PDE3A: variants seen among roughly 807,000 people sequenced by gnomAD.
PDE3A encodes phosphodiesterase 3A, also known as cGMP-inhibited 3',5'-cyclic phosphodiesterase 3A.
In PDE3A, 43 loss-of-function variants were observed where a neutral mutation model predicts 98.3. The ratio of observed to expected loss-of-function variants is 0.44; its 90% CI spans 0.34 to 0.56. PDE3A has a LOEUF of 0.56. PDE3A is among the 20% of genes least tolerant of loss of function. The probability of loss-of-function intolerance (pLI) is 0.01; values close to 1 mark genes in which losing one functional copy is unlikely to be tolerated. For missense variants in PDE3A, 1,427 were observed against 1,440.7 expected (o/e 0.99, Z 0.15); for synonymous variants, 663 against 567.9 (o/e 1.17, Z -2.38).
At chr12:20,492,647 T>C (rs1311144671) in intron 1 of PDE3A, among the ~76,000 whole-genome samples, 2 of 152,112 alleles carry the variant, frequency 1.3e-5, no homozygotes, top group Non-Finnish European at 2.9e-5. Context: ...ACAGGAGCTG[T>C]GGCTATGGGT....
chr12:20,546,917 A>C (rs1473131594), intron 1 of PDE3A, among the ~76,000 whole-genome samples: 3 of 152,122 alleles, frequency 2.0e-5, no homozygotes, highest in Admixed American at 6.6e-5. Context: ...GAATTAATGA[A>C]GCTAATAATT....
intron 1 of PDE3A, among the ~76,000 whole-genome samples, chr12:20,439,339 A>C (rs770913316): frequency 1.2e-4 from 19 of 152,302 alleles, no homozygotes; most frequent in Non-Finnish European, 2.2e-4. Flanking sequence ...ATTCAGTATG[A>C]ATTTTGTCTG....
chr12:20,413,642 C>T (rs1400612762), intron 1 of PDE3A, among the ~76,000 whole-genome samples: 1 of 152,102 alleles, frequency 6.6e-6, no homozygotes, highest in East Asian at 1.9e-4. Flanking sequence ...TGAGATGAGA[C>T]AGGTGGGGGC....
intron 15 of PDE3A, among the ~76,000 whole-genome samples, chr12:20,659,117 CAGTT>C (rs1335159839): frequency 6.6e-6 from 1 of 152,034 alleles, no homozygotes; most frequent in Admixed American, 6.6e-5. Flanking sequence ...AAGTATTTGC[CAGTT>C]AGTTTGAGTC....
At chr12:20,564,094 T>A (rs377027317) in intron 2 of PDE3A, among the ~76,000 whole-genome samples, 125 of 152,254 alleles carry the variant, frequency 8.2e-4, no homozygotes, top group South Asian at 2.3e-3. Flanking sequence ...GACATTTCTC[T>A]CTGTCCTCAG....
chr12:20,380,280 A>G (rs1943640471), intron 1 of PDE3A, among the ~76,000 whole-genome samples: 2 of 152,016 alleles, frequency 1.3e-5, no homozygotes, highest in Non-Finnish European at 2.9e-5. Flanking sequence ...TGTGAAATTG[A>G]CTTTTTAAAA....
Position 20,519,258 on chromosome 12 carries a change from G to C in PDE3A, c.961-37402G>C, listed in dbSNP as rs139299385. On this transcript the variant is annotated intron_variant, in intron 1 of 15. Coordinates refer to ENST00000359062, the MANE Select transcript of PDE3A (RefSeq NM_000921.5). ...AGTGAGTCTGGAAACTCCTGTTACA[G>C]AACACCAGGAGTGGCCAAATTATGA... Among the ~76,000 whole-genome samples, 1,002 of 152,216 alleles carry C rather than the reference G, an allele frequency of 6.6e-3. 12 individuals carry two copies. Among genetic ancestry groups the C allele is most frequent in the African/African-American group, 0.022 (920 of 41,524 alleles).
chr12:20,616,824 A>G (rs1304240171), intron 4 of PDE3A, among the ~76,000 whole-genome samples: 2 of 152,190 alleles, frequency 1.3e-5, no homozygotes, highest in Non-Finnish European at 2.9e-5. Context: ...AGAGCAAATC[A>G]AAAGTAGATC....
At chr12:20,533,028 G>A (rs2121193592) in intron 1 of PDE3A, among the ~76,000 whole-genome samples, 1 of 152,220 alleles carries the variant, frequency 6.6e-6, no homozygotes, top group Non-Finnish European at 1.5e-5. Context: ...TATATTAAGC[G>A]TCCCATGCTA....
At chr12:20,656,985 G>A (rs1945057891) in intron 15 of PDE3A, among the ~76,000 whole-genome samples, 1 of 152,212 alleles carries the variant, frequency 6.6e-6, no homozygotes, top group Non-Finnish European at 1.5e-5. Flanking sequence ...AAGCAGGAAT[G>A]AGAGACTTTT....
intron 1 of PDE3A, among the ~76,000 whole-genome samples, chr12:20,547,708 C>T (rs1942093057): frequency 6.6e-6 from 1 of 151,990 alleles, no homozygotes; most frequent in Admixed American, 6.6e-5. Context: ...TACAGTCCTC[C>T]TTCAGCTTTC....
intron 1 of PDE3A, among the ~76,000 whole-genome samples, chr12:20,388,575 A>T (rs192148512): frequency 6.6e-6 from 1 of 152,178 alleles, no homozygotes; most frequent in East Asian, 1.9e-4. Context: ...TAAAACATGT[A>T]GGAGGAGAGT....
intron 1 of PDE3A, among the ~76,000 whole-genome samples, chr12:20,393,869 C>T (rs1447557680): frequency 2.0e-5 from 3 of 151,976 alleles, no homozygotes; most frequent in Non-Finnish European, 4.4e-5. Flanking sequence ...ACTAACCTGC[C>T]TTCGATTCTG....
chr12:20,563,545 T>C (rs1340131682), intron 2 of PDE3A, among the ~76,000 whole-genome samples: 1 of 152,162 alleles, frequency 6.6e-6, no homozygotes, highest in Non-Finnish European at 1.5e-5. Context: ...CACTTGCATT[T>C]CTTCCTCCTT....
intron 3 of PDE3A, among the ~76,000 whole-genome samples, chr12:20,613,934 A>G (rs1167104467): frequency 2.0e-5 from 3 of 152,146 alleles, no homozygotes; most frequent in African/African-American, 4.8e-5. Flanking sequence ...CTTTTATTTA[A>G]TCTTTCATGT....
At chr12:20,586,027 A>G (rs1412168030) in intron 2 of PDE3A, among the ~76,000 whole-genome samples, 3 of 152,248 alleles carry the variant, frequency 2.0e-5, no homozygotes, top group Non-Finnish European at 4.4e-5. Flanking sequence ...GGGCATTTGC[A>G]AAGCAAAACA....
At chr12:20,501,150 T>TACAG (rs2121082677) in intron 1 of PDE3A, among the ~76,000 whole-genome samples, 1 of 152,328 alleles carries the variant, frequency 6.6e-6, no homozygotes, top group Non-Finnish European at 1.5e-5. Context: ...GATTCATGGT[T>TACAG]CAGGCATACA....
At position 20,609,202 on chromosome 12, in the gene PDE3A, C is replaced by A. The variant is rs558821866; in HGVS notation, c.1012-4241C>A. Among the ~76,000 whole-genome samples, 32 of 151,930 alleles carry A rather than the reference C, an allele frequency of 2.1e-4. No individual in the cohort carries two copies. The South Asian group carries it at 2.5e-3, about 12-fold the overall frequency. ...TCTACACGCACAAAAATTGTTAGAG[C>A]TAACAAATGAATTCAGTAAAGTTAC... On this transcript the variant is annotated intron_variant, in intron 2 of 15. Coordinates refer to ENST00000359062, the MANE Select transcript of PDE3A (RefSeq NM_000921.5).
intron 2 of PDE3A, among the ~76,000 whole-genome samples, chr12:20,611,273 T>A (rs556923052): frequency 1.3e-5 from 2 of 152,046 alleles, no homozygotes; most frequent in East Asian, 3.9e-4. Context: ...CTATGTATCC[T>A]AAAATTATTA....
Sources: gnomAD v4.1 joint callset for allele counts (sites outside exome capture counted in the v4.1 genomes callset) on GRCh38, gnomAD v4.1.1 for gene constraint, MANE v1.5 for transcripts, NCBI Gene and HGNC (gene_info 2026-07-23, HGNC 2026-07-21) for gene names.